PATJ: variants seen among roughly 807,000 people sequenced by gnomAD.
PATJ encodes the protein inaD-like protein.
A neutral mutation model predicts 224.9 loss-of-function variants in PATJ; 190 were observed. The ratio of observed to expected loss-of-function variants is 0.84; its 90% CI spans 0.75 to 0.95. The LOEUF is 0.95. Among genes scored for constraint, PATJ ranks in the 40% least tolerant of loss-of-function variants. The probability of loss-of-function intolerance (pLI) is 0.00; values close to 1 mark genes in which losing one functional copy is unlikely to be tolerated. For missense variants in PATJ, 2,121 were observed against 2,270.3 expected, an observed-to-expected ratio of 0.93 and a Z score of 1.34; for synonymous variants, 769 against 820.3, an observed-to-expected ratio of 0.94 and a Z score of 1.07.
At chr1:61,956,138 G>A (rs979322152) in intron 27 of PATJ, among the ~76,000 whole-genome samples, 5 of 152,226 alleles carry the variant, frequency 3.3e-5, no homozygotes, top group African/African-American at 1.2e-4. Context: ...ACGCTGCCCA[G>A]TATGAGCCAG....
At chr1:61,871,467 G>GTATATACATATATATGCGTATATATGTA (rs1666498035) in intron 20 of PATJ, among the ~76,000 whole-genome samples, 1 of 55,268 alleles carries the variant, frequency 1.8e-5, no homozygotes, top group Non-Finnish European at 4.8e-5. Flanking sequence ...GTATATATAT[G>GTATATACATATATATGCGTATATATGTA]TATATACATA....
At chr1:61,956,247 T>G (rs976586186) in intron 27 of PATJ, among the ~76,000 whole-genome samples, 1 of 152,150 alleles carries the variant, frequency 6.6e-6, no homozygotes, top group Non-Finnish European at 1.5e-5. Context: ...TGGGAATGGG[T>G]GAGTGCTTAG....
In PATJ at chr1:61,876,036, A is replaced by G. The variant is rs186492904; in HGVS notation, c.2959+670A>G. Among the ~76,000 whole-genome samples the G allele has an allele frequency of 4.8e-3, 727 of 152,272 alleles. 3 individuals are homozygous for G. The highest frequency in any genetic ancestry group is 0.012 in the South Asian group (56 of 4,824). ...TTTATAGAGCCATTGTTGAGGATTT[A>G]TGCTGTCCTTCACTTGTTATGACTA... On this transcript the variant is annotated intron_variant, in intron 21 of 43. Coordinates refer to ENST00000642238, the MANE Select transcript of PATJ (RefSeq NM_001350145.3).
chr1:62,143,709 C>CA lies in PATJ; in HGVS notation c.5272-4572dup, dbSNP rs144623881. Among the ~76,000 whole-genome samples, 1,013 of 152,226 alleles carry CA rather than the reference C, an allele frequency of 6.7e-3. 12 individuals carry two copies. The highest frequency in any genetic ancestry group is 0.023 in the African/African-American group (968 of 41,546). On this transcript the variant is annotated intron_variant, in intron 41 of 43. Transcript: ENST00000642238. ...AGGTGATCCAGCCCACTCTGCCTCC[C>CA]AAAGTGCTGGGATTACAGGCGTGAG... is the stretch of plus-strand genomic sequence containing the variant.
intron 34 of PATJ, among the ~76,000 whole-genome samples, chr1:62,109,356 C>G (rs1286820118): frequency 6.6e-6 from 1 of 152,006 alleles, no homozygotes; most frequent in Non-Finnish European, 1.5e-5. Context: ...ATTTCTGCCT[C>G]CCAAGATGAA....
At chr1:61,817,392 G>A (rs1278224792) in intron 14 of PATJ, among the ~76,000 whole-genome samples, 5 of 152,068 alleles carry the variant, frequency 3.3e-5, no homozygotes, top group Non-Finnish European at 5.9e-5. Context: ...GACCGGGAGC[G>A]GTGGCTCACG....
chr1:61,845,258 T>G (rs946128274), intron 17 of PATJ, among the ~76,000 whole-genome samples: 1 of 152,220 alleles, frequency 6.6e-6, no homozygotes, highest in East Asian at 1.9e-4. Context: ...GGAAAACTGA[T>G]GCTGAGGTTA....
At chr1:62,045,075 G>T (rs1172438360) in intron 30 of PATJ, among the ~76,000 whole-genome samples, 2 of 152,102 alleles carry the variant, frequency 1.3e-5, no homozygotes, top group African/African-American at 4.8e-5. Context: ...ACAAAAATTA[G>T]CTGGGTGTGG....
chr1:61,891,799 C>T (rs1669641854), intron 22 of PATJ, among the ~76,000 whole-genome samples: 1 of 152,120 alleles, frequency 6.6e-6, no homozygotes, highest in Non-Finnish European at 1.5e-5. Flanking sequence ...TTTTAAGGTA[C>T]AGCCTACTAA....
At chr1:61,801,028 C>T (rs955123622) in intron 11 of PATJ, among the ~76,000 whole-genome samples, 3 of 152,078 alleles carry the variant, frequency 2.0e-5, no homozygotes, top group African/African-American at 4.8e-5. Flanking sequence ...TGGATAATGC[C>T]GCAATAAACA....
chr1:61,920,545 T>A (rs1288914835), intron 26 of PATJ, among the ~76,000 whole-genome samples: 2 of 152,098 alleles, frequency 1.3e-5, no homozygotes, highest in East Asian at 3.9e-4. Flanking sequence ...ATGTCTTTAT[T>A]AGCAGCATGA....
At chr1:61,877,425 G>A (rs1420957456) in intron 21 of PATJ, among the ~76,000 whole-genome samples, 1 of 151,688 alleles carries the variant, frequency 6.6e-6, no homozygotes, top group African/African-American at 2.4e-5. Flanking sequence ...ATATGGTTTG[G>A]CTCTGTGTCC....
At chr1:61,809,948 C>T (rs1006696074) in intron 14 of PATJ, among the ~76,000 whole-genome samples, 3 of 150,762 alleles carry the variant, frequency 2.0e-5, no homozygotes, top group Admixed American at 6.7e-5. Flanking sequence ...TGGGTTCAAA[C>T]GATTCTCCTG....
chr1:62,037,709 A>G (rs954815034), intron 29 of PATJ, among the ~76,000 whole-genome samples: 5 of 152,142 alleles, frequency 3.3e-5, no homozygotes, highest in African/African-American at 1.2e-4. Context: ...CTGACTTACT[A>G]AGTGGGATTT....
At chr1:61,848,253 G>A (rs888690194) in intron 17 of PATJ, among the ~76,000 whole-genome samples, 1 of 152,172 alleles carries the variant, frequency 6.6e-6, no homozygotes, top group Admixed American at 6.5e-5. Flanking sequence ...ACCGGGCTAG[G>A]TCTCAAAACT....
chr1:62,074,551 A>C (rs1476527343), intron 31 of PATJ, among the ~76,000 whole-genome samples: 1 of 152,158 alleles, frequency 6.6e-6, no homozygotes, highest in East Asian at 1.9e-4. Context: ...CTCGCACCTC[A>C]GCCTCCCAAA....
intron 31 of PATJ, chr1:62,073,376 A>G (rs2148698452): frequency 1.0e-6 from 1 of 959,052 alleles, no homozygotes; most frequent in Non-Finnish European, 1.2e-6. Context: ...TAATCCCACC[A>G]CTTTGGGAGG....
intron 21 of PATJ, among the ~76,000 whole-genome samples, chr1:61,875,812 T>C (rs1667260315): frequency 6.6e-6 from 1 of 152,172 alleles, no homozygotes; most frequent in South Asian, 2.1e-4. Context: ...TCAATTTTAG[T>C]ACATTAATAA....
intron 22 of PATJ, among the ~76,000 whole-genome samples, chr1:61,888,601 G>A (rs537492863): frequency 6.6e-6 from 1 of 152,172 alleles, no homozygotes; most frequent in Non-Finnish European, 1.5e-5. Context: ...TTTGCTTAGT[G>A]TGAATAGTTG....
Sources: allele counts gnomAD v4.1 joint callset (sites outside exome capture counted in the v4.1 genomes callset), GRCh38; gene constraint gnomAD v4.1.1; transcripts MANE v1.5; gene names NCBI Gene and HGNC (gene_info 2026-07-23, HGNC 2026-07-21).